Variants in KIF13A observed in about 807,000 individuals in gnomAD.
KIF13A encodes kinesin family member 13A, also known as kinesin-like protein KIF13A.
Under a neutral mutation model 212.2 loss-of-function variants are expected in KIF13A, and 79 were observed. The observed-to-expected ratio is 0.37, with a 90% CI of 0.31 to 0.45. KIF13A has a LOEUF of 0.45. Among genes scored for constraint, KIF13A ranks in the 20% least tolerant of loss-of-function variants. KIF13A has a pLI of 1.00. For missense variants in KIF13A, 1,901 were observed against 2,209.0 expected, an observed-to-expected ratio of 0.86 and a Z score of 2.79; for synonymous variants, 789 against 808.6, an observed-to-expected ratio of 0.98 and a Z score of 0.41.
At position 17,849,252 on chromosome 6, in the gene KIF13A, G is replaced by C. The variant is rs1767394748; in HGVS notation, c.830+125C>G. 1.6e-6 allele frequency: 1 copy of C among 642,860 alleles called. No individual in the cohort carries two copies. Among genetic ancestry groups the C allele is most frequent in the Non-Finnish European group, 2.7e-6 (1 of 376,586 alleles). 39.8% of individuals were successfully genotyped at this position (642,860 alleles called of 1,614,324 possible). A position where few individuals can be genotyped will look rare whatever the true frequency, so the allele number is the denominator to read the frequency against. The stretch of plus-strand genomic sequence containing the variant: ...CACAGGTTGTTGTTGTTTTTCTTCA[G>C]CCCAGTTTACTAAAGCTATACAGAC... On this transcript the variant is annotated intron_variant, in intron 9 of 38. Coordinates refer to ENST00000259711, the MANE Select transcript of KIF13A (RefSeq NM_022113.6). This position sits in a 1 kb window ranked among gnomAD's most constrained non-coding sequence, Gnocchi z 5.7.
chr6:17,879,374 T>G (rs552506711), intron 3 of KIF13A, among the ~76,000 whole-genome samples: 31 of 152,148 alleles, frequency 2.0e-4, no homozygotes, highest in Admixed American at 2.0e-3. Flanking sequence ...GGGGAAGGAG[T>G]TGGAACACAG....
intron 4 of KIF13A, among the ~76,000 whole-genome samples, chr6:17,861,308 TTC>T (rs2150414328): frequency 1.3e-5 from 2 of 152,332 alleles, no homozygotes; most frequent in East Asian, 3.9e-4. Flanking sequence ...AGACAATGCA[TTC>T]TGTTTTAAGA....
At chr6:17,831,374 CAG>C (rs986151137) in intron 12 of KIF13A, 139 bp from the exon 13 acceptor site, 4 of 947,794 alleles carry the variant, frequency 4.2e-6, no homozygotes, top group African/African-American at 3.3e-5. Flanking sequence ...ACCACATTAA[CAG>C]AGAGTCTACA....
At position 17,886,368 on chromosome 6, in the gene KIF13A, C is replaced by A. The variant is rs993792054; in HGVS notation, c.159+11800G>T. Among the ~76,000 whole-genome samples, 3 of 152,096 alleles carry A rather than the reference C, an allele frequency of 2.0e-5. No individual in the cohort carries two copies. The highest frequency in any genetic ancestry group is 4.4e-5 in the Non-Finnish European group (3 of 68,028). ...CCAAAGCTAAAGGACCTGAGGCAGT[C>A]CAGGGGTTGCAAACATTTACTCCCA... On this transcript the variant is annotated intron_variant, in intron 3 of 38. Coordinates refer to ENST00000259711, the MANE Select transcript of KIF13A (RefSeq NM_022113.6). This position sits in a 1 kb window ranked among gnomAD's most constrained non-coding sequence, Gnocchi z 5.6.
In KIF13A at chr6:17,772,325, C is replaced by T. The variant is rs564261409; in HGVS notation, c.4325-266G>A. 2.6e-5 allele frequency among the ~76,000 whole-genome samples: 4 copies of T among 152,114 alleles called. No homozygotes were observed. Among genetic ancestry groups the T allele is most frequent in the Non-Finnish European group, 5.9e-5 (4 of 68,014 alleles). On this transcript the variant is annotated intron_variant, in intron 36 of 38. Coordinates refer to ENST00000259711, the MANE Select transcript of KIF13A (RefSeq NM_022113.6). This position sits in a 1 kb window ranked among gnomAD's most constrained non-coding sequence, Gnocchi z 4.8. ...TCAGGAGGCTGAGGCGAGAAGATCG[C>T]TTGAGCCCCAGGGGTTGAGGCTGCA... is the stretch of plus-strand genomic sequence containing the variant.
chr6:17,830,435 G>C lies in KIF13A; in HGVS notation c.1401+666C>G, dbSNP rs60256424. On this transcript the variant is annotated intron_variant, in intron 13 of 38. Transcript: ENST00000259711. ...AAACACGGATATAACCCAGACACAT[G>C]AAAGTTCTTTGGAGTCCTTGATACT... is the stretch of plus-strand genomic sequence containing the variant. Among the ~76,000 whole-genome samples, 22 of 151,174 alleles carry C rather than the reference G, an allele frequency of 1.5e-4. No homozygotes were observed. In the East Asian group the frequency reaches 4.3e-3, roughly 29 times the overall value.
rs373805084 is a variant in KIF13A at position 17,897,362 on chromosome 6, C to T, written c.159+806G>A. Among the ~76,000 whole-genome samples the T allele has an allele frequency of 1.3e-5, 2 of 152,208 alleles. No homozygotes were observed. The highest frequency in any genetic ancestry group is 4.8e-5 in the African/African-American group (2 of 41,452). On this transcript the variant is annotated intron_variant, in intron 3 of 38. Coordinates refer to ENST00000259711, the MANE Select transcript of KIF13A (RefSeq NM_022113.6). This position sits in a 1 kb window ranked among gnomAD's most constrained non-coding sequence, Gnocchi z 4.8. ...AGAACCACAGCTATAATCAGTATCACTGGCCAGGGGCTGGTCAAATTTCTC... is the reference window on the plus strand; with the variant it reads ...AGAACCACAGCTATAATCAGTATCATTGGCCAGGGGCTGGTCAAATTTCTC...
In KIF13A at chr6:17,984,050, G is replaced by A. The variant is rs561768560; in HGVS notation, c.146+3004C>T. On this transcript the variant is annotated intron_variant, in intron 2 of 38. Transcript: ENST00000259711. This position sits in a 1 kb window ranked among gnomAD's most constrained non-coding sequence, Gnocchi z 5.0. ...TTTGCTAAGCCCTTGCTAAGTGCCA[G>A]TATGCAGGAGCATGAGGTACAAAGA... is the stretch of plus-strand genomic sequence containing the variant. 1.3e-4 allele frequency among the ~76,000 whole-genome samples: 20 copies of A among 152,258 alleles called. No homozygotes were observed. The South Asian group carries it at 1.9e-3, about 14-fold the overall frequency.
chr6:17,935,299 A>C (rs1286005465), intron 2 of KIF13A, among the ~76,000 whole-genome samples: 3 of 152,168 alleles, frequency 2.0e-5, no homozygotes, highest in Non-Finnish European at 4.4e-5. Context: ...GCCCTGAGCT[A>C]TTTCTGCTGA....
intron 2 of KIF13A, among the ~76,000 whole-genome samples, chr6:17,983,736 C>T (rs1781311214): frequency 6.6e-6 from 1 of 152,116 alleles, no homozygotes; most frequent in Non-Finnish European, 1.5e-5. Flanking sequence ...GATCCGCCCA[C>T]CCTAGCCTCC....
At chr6:17,863,769 T>C (rs1018724026) in intron 4 of KIF13A, among the ~76,000 whole-genome samples, 1 of 152,202 alleles carries the variant, frequency 6.6e-6, no homozygotes, top group Non-Finnish European at 1.5e-5. Flanking sequence ...CCCTAGTTTA[T>C]CCAAAAGACC....
chr6:17,899,465 G>A lies in KIF13A; in HGVS notation c.147-1285C>T, dbSNP rs1014534. ...ATGCTTTTTCTCCATCACTGGGTGC[G>A]ACACTCCTTACAGAGCTCTGAGGGA... On this transcript the variant is annotated intron_variant, in intron 2 of 38. Coordinates refer to ENST00000259711, the MANE Select transcript of KIF13A (RefSeq NM_022113.6). The surrounding 1 kb of genome is among the most constrained non-coding windows in gnomAD (Gnocchi z 5.2). 0.69 allele frequency among the ~76,000 whole-genome samples: 104,479 copies of A among 152,060 alleles called. 37,030 individuals are homozygous for A. Among genetic ancestry groups the A allele is most frequent in the Non-Finnish European group, 0.78 (53,195 of 68,006 alleles).
At chr6:17,925,904 T>C (rs1775456978) in intron 2 of KIF13A, among the ~76,000 whole-genome samples, 1 of 152,044 alleles carries the variant, frequency 6.6e-6, no homozygotes, top group Admixed American at 6.6e-5. Flanking sequence ...GAGCAGCAAA[T>C]CAGAAGGAAA....
intron 2 of KIF13A, among the ~76,000 whole-genome samples, chr6:17,928,332 T>C (rs1775678556): frequency 6.6e-6 from 1 of 152,168 alleles, no homozygotes; most frequent in South Asian, 2.1e-4. Context: ...CAGATGAAGT[T>C]CAAGGAAACC....
In KIF13A at chr6:17,926,903, C is replaced by G. The variant is rs1048508199; in HGVS notation, c.147-28723G>C. Among the ~76,000 whole-genome samples the G allele has an allele frequency of 1.3e-5, 2 of 151,974 alleles. No individual in the cohort carries two copies. Among genetic ancestry groups the G allele is most frequent in the Non-Finnish European group, 2.9e-5 (2 of 67,984 alleles). ...CTGTAATCTCGGCACTTTGGGAGGT[C>G]GAGGCAGGCAGATCACTTCAGATCA... On this transcript the variant is annotated intron_variant, in intron 2 of 38. Coordinates refer to ENST00000259711, the MANE Select transcript of KIF13A (RefSeq NM_022113.6). This position sits in a 1 kb window ranked among gnomAD's most constrained non-coding sequence, Gnocchi z 4.3.
intron 2 of KIF13A, among the ~76,000 whole-genome samples, chr6:17,954,199 G>A (rs1022343467): frequency 6.6e-6 from 1 of 151,694 alleles, no homozygotes; most frequent in African/African-American, 2.4e-5. Context: ...TACTCCGAAG[G>A]CTGAGGCAGG....
chr6:17,927,198 G>A (rs190157462), intron 2 of KIF13A, among the ~76,000 whole-genome samples: 90 of 151,776 alleles, frequency 5.9e-4, no homozygotes, highest in African/African-American at 2.0e-3. Context: ...GCAGGAACTT[G>A]AACAGATATT....
At position 17,963,568 on chromosome 6, in the gene KIF13A, CT is replaced by C. The variant is rs1017832078; in HGVS notation, c.146+23485del. Among the ~76,000 whole-genome samples the C allele has an allele frequency of 2.6e-5, 4 of 152,186 alleles. No individual in the cohort carries two copies. Among genetic ancestry groups the C allele is most frequent in the African/African-American group, 7.2e-5 (3 of 41,454 alleles). ...TAGGATAGATTTGTTCTATATCTTT[CT>C]TTTTTTGAGACAGAGTCTTGCTGTG... is the stretch of plus-strand genomic sequence containing the variant. On this transcript the variant is annotated intron_variant, in intron 2 of 38. Coordinates refer to ENST00000259711, the MANE Select transcript of KIF13A (RefSeq NM_022113.6). The surrounding 1 kb of genome is among the most constrained non-coding windows in gnomAD (Gnocchi z 4.1).
At chr6:17,939,940 T>C (rs1345843910) in intron 2 of KIF13A, among the ~76,000 whole-genome samples, 3 of 150,376 alleles carry the variant, frequency 2.0e-5, no homozygotes, top group African/African-American at 7.4e-5. Flanking sequence ...CTCGGGAGGC[T>C]GAGGCAGGAG....
Sources: gnomAD v4.1 joint callset for allele counts (sites outside exome capture counted in the v4.1 genomes callset) on GRCh38, gnomAD v4.1.1 for gene constraint, Gnocchi (gnomAD v3.1) non-coding constraint, MANE v1.5 for transcripts, NCBI Gene and HGNC (gene_info 2026-07-23, HGNC 2026-07-21) for gene names.